The following RALGDS variants were observed in gnomAD, a reference collection of about 807,000 sequenced individuals.
RALGDS encodes the protein ral guanine nucleotide dissociation stimulator.
A neutral mutation model predicts 99.8 loss-of-function variants in RALGDS; 44 were observed. The ratio of observed to expected loss-of-function variants is 0.44; its 90% CI spans 0.35 to 0.57. The LOEUF is 0.57. Among genes scored for constraint, RALGDS ranks in the 20% least tolerant of loss-of-function variants. The pLI is 0.01. For missense variants in RALGDS, 1,022 were observed against 1,203.1 expected, an observed-to-expected ratio of 0.85 and a Z score of 2.23; for synonymous variants, 529 against 505.0, an observed-to-expected ratio of 1.05 and a Z score of -0.64.
upstream of RALGDS, among the ~76,000 whole-genome samples, chr9:133,124,001 CACAGAGACACAAAGAT>C (rs1832058714): frequency 6.8e-6 from 1 of 146,790 alleles, no homozygotes; most frequent in African/African-American, 2.7e-5. Flanking sequence ...CACACACACA[CACAGAGACACAAAGAT>C]ACACAGAGAT....
upstream of RALGDS, among the ~76,000 whole-genome samples, chr9:133,135,385 G>A (rs1285314893): frequency 6.6e-6 from 1 of 152,222 alleles, no homozygotes; most frequent in African/African-American, 2.4e-5. Context: ...TGCACTGGCT[G>A]CCTGCCCGCC....
chr9:133,109,783 A>G (rs1372480939), intron 3 of RALGDS, 62 bp from the exon 4 acceptor site: 2 of 1,423,820 alleles, frequency 1.4e-6, no homozygotes, highest in African/African-American at 2.8e-5. Flanking sequence ...CCAGGAGGGC[A>G]GGGATTTTTT....
chr9:133,107,166 GAC>G lies in RALGDS; in HGVS notation c.1330_1331del (p.Val444HisfsTer78), dbSNP rs768334453. 1 of 1,613,756 alleles carries G rather than the reference GAC, an allele frequency of 6.2e-7. No homozygotes were observed. The highest frequency in any genetic ancestry group is 1.7e-5 in the Admixed American group (1 of 60,036). On this transcript the variant is annotated frameshift_variant, in exon 7 of 18. Transcript: ENST00000372050. LOFTEE classifies it high-confidence loss of function. Reference protein sequence around the residue: ...VTQFNSVANCVITTCLGNRST... With the variant: ...VTQFNSVANCXITTCLGNRST... ...TTCGGTTCCCGAGGCAGGTGGTGAT[GAC>G]ACAGTTGGCCACACTGTTGAACTGG...
chr9:133,106,086 T>C, intron 8 of RALGDS, 70 bp from the exon 9 acceptor site: 1 of 1,255,086 alleles, frequency 8.0e-7, no homozygotes, highest in South Asian at 1.2e-5. Flanking sequence ...CAAATCCGTT[T>C]TATTTTAGAG....
upstream of RALGDS, among the ~76,000 whole-genome samples, chr9:133,122,782 A>G (rs1241143094): frequency 6.6e-6 from 1 of 150,712 alleles, no homozygotes; most frequent in Non-Finnish European, 1.5e-5. Flanking sequence ...TCGGCTCACT[A>G]AGGCCTCCGC....
chr9:133,106,370 A>G (rs1454081608), intron 8 of RALGDS, among the ~76,000 whole-genome samples: 1 of 152,176 alleles, frequency 6.6e-6, no homozygotes, highest in Non-Finnish European at 1.5e-5. Context: ...CTGGGATTAC[A>G]GGCGTTAGCC....
rs1391339524 is a variant in RALGDS, at chr9:133,102,892, C to T, written c.1800G>A (p.Glu600=). 1.2e-6 allele frequency: 2 copies of T among 1,613,208 alleles called. No homozygotes were observed. Among genetic ancestry groups the T allele is most frequent in the Non-Finnish European group, 1.7e-6 (2 of 1,179,976 alleles). The change falls in exon 13 of 18, where the codon GAG becomes GAA. Residue 600 remains glutamate, a synonymous_variant. Transcript: ENST00000372050. ...INFEKRRKEF[E]VIAQIKLLQS... is the part of the protein sequence containing the mutation. ...GCAGCAGCTTGATCTGGGCGATCAC[C>T]TCGAACTCCTGGGGCCAGAGGGAAG...
At chr9:133,117,096 C>G (rs1831646444) in intron 1 of RALGDS, among the ~76,000 whole-genome samples, 1 of 152,198 alleles carries the variant, frequency 6.6e-6, no homozygotes, top group Non-Finnish European at 1.5e-5. Flanking sequence ...AGGTGACGCA[C>G]CCGAGGAGCC....
At chr9:133,103,682 G>GC (rs1830867682) in intron 11 of RALGDS, 65 bp downstream of exon 11, 12 of 1,523,682 alleles carry the variant, frequency 7.9e-6, no homozygotes. Flanking sequence ...TGGCAGCCCA[G>GC]CCCCCAGGGC....
Position 133,098,840 on chromosome 9 carries a change from T to C in RALGDS, c.2570-78A>G, listed in dbSNP as rs977864913. The C allele has an allele frequency of 6.2e-6, 9 of 1,449,964 alleles. No homozygotes were observed. In the East Asian group the frequency reaches 1.8e-4, roughly 29 times the overall value. The allele number at this position is 1,449,964 out of a possible 1,614,324, so 89.8% of individuals were successfully genotyped here. On this transcript the variant is annotated intron_variant, in intron 17 of 17. Transcript: ENST00000372050. ...GATACCCCTACCGCTTGAGAGCCCA[T>C]ACAAGGACTGTCTTGAGCCACAGAC...
At chr9:133,099,110 C>T in intron 17 of RALGDS, 1 of 321,810 alleles carries the variant, frequency 3.1e-6, no homozygotes, top group Non-Finnish European at 6.0e-6. Context: ...GAATCCTGCC[C>T]TACTCAGGAC....
chr9:133,101,885 G>C (rs1326131546), intron 15 of RALGDS, 53 bp downstream of exon 15: 1 of 1,551,002 alleles, frequency 6.4e-7, no homozygotes, highest in Non-Finnish European at 8.7e-7. Context: ...CCCATGCATG[G>C]ATTTGGAGTG....
upstream of RALGDS, among the ~76,000 whole-genome samples, chr9:133,123,485 A>G (rs1832018805): frequency 6.6e-6 from 1 of 152,060 alleles, no homozygotes; most frequent in African/African-American, 2.4e-5. Context: ...AAACCCCCCA[A>G]CGCGGCTGGC....
chr9:133,117,707 G>A (rs771460796), intron 1 of RALGDS, among the ~76,000 whole-genome samples: 1 of 152,252 alleles, frequency 6.6e-6, no homozygotes, highest in African/African-American at 2.4e-5. Flanking sequence ...TTCTGGGCCT[G>A]CAAGGCTGGA....
chr9:133,101,756 C>T lies in RALGDS; in HGVS notation c.2218G>A (p.Glu740Lys), dbSNP rs1040770476. The change falls in exon 16 of 18, where the codon GAA becomes AAA. Residue 740 changes from glutamate to lysine, a missense_variant. Coordinates refer to ENST00000372050, the MANE Select transcript of RALGDS (RefSeq NM_006266.4). Reference protein sequence around the residue: ...SPDGQEKKFWESASQSSPETS... With the variant: ...SPDGQEKKFWKSASQSSPETS... ...TCCGGGGATGACTGTGAGGCTGATT[C>T]CCAGAACTGAGGGAGACGGTAAGAT... is the stretch of plus-strand genomic sequence containing the variant. 5 of 1,607,636 alleles carry T rather than the reference C, an allele frequency of 3.1e-6. No individual in the cohort carries two copies. The African/African-American group carries it at 6.7e-5, about 21-fold the overall frequency.
chr9:133,118,816 TCCTGGCTGCGGC>T, intron 1 of RALGDS, among the ~76,000 whole-genome samples: 1 of 152,194 alleles, frequency 6.6e-6, no homozygotes, highest in Non-Finnish European at 1.5e-5. Flanking sequence ...CATGCTTAAA[TCCTGGCTGCGGC>T]CCTTGCTGGC....
rs1238198636 is a variant in RALGDS, at chr9:133,121,001, GC to G, written c.153del (p.Gln52SerfsTer2). ...GGGCGCGGCAGGTCGGGGTCTAGCT[GC>G]GTGAAGCTGTGCAGCACCACCGGGC... is the stretch of plus-strand genomic sequence containing the variant. ...DSCPVVLHSF[T>X]QLDPDLPRPE... On this transcript the variant is annotated frameshift_variant, in exon 1 of 18. Coordinates refer to ENST00000372050, the MANE Select transcript of RALGDS (RefSeq NM_006266.4). LOFTEE classifies it high-confidence loss of function. 1.3e-5 allele frequency: 20 copies of G among 1,496,800 alleles called. No individual in the cohort carries two copies. The highest frequency in any genetic ancestry group is 1.8e-5 in the Non-Finnish European group (20 of 1,130,106). The allele number at this position is 1,496,800 out of a possible 1,614,324, so 92.7% of individuals were successfully genotyped here.
rs771593716 is a variant in RALGDS, at chr9:133,107,151, G to A, written c.1347C>T (p.Leu449=). 9.3e-6 allele frequency: 15 copies of A among 1,613,670 alleles called. No homozygotes were observed. The highest frequency in any genetic ancestry group is 8.9e-5 in the East Asian group (4 of 44,894). The part of the protein sequence containing the change: ...SVANCVITTC[L]GNRSTKAPDR... ...CTGGGGCTTTCGTGCTTCGGTTCCC[G>A]AGGCAGGTGGTGATGACACAGTTGG... Residue 449 remains leucine (L), a synonymous_variant, in exon 7 of 18, where the codon CTC becomes CTT. Coordinates refer to ENST00000372050, the MANE Select transcript of RALGDS (RefSeq NM_006266.4).
rs547809674 is a variant in RALGDS, at chr9:133,108,218, C to G, written c.967G>C (p.Val323Leu). 4 of 1,612,014 alleles carry G rather than the reference C, an allele frequency of 2.5e-6. No individual in the cohort carries two copies. The South Asian group carries it at 4.4e-5, about 18-fold the overall frequency. Residue 323 changes from valine (V) to leucine (L), a missense_variant, in exon 6 of 18, where the codon GTG becomes CTG. Val to Leu is a conservative substitution (Grantham distance 32). Coordinates refer to ENST00000372050, the MANE Select transcript of RALGDS (RefSeq NM_006266.4). ...PELQQAPEPAVGLESAPAPAL... is the reference protein window; with the variant it reads ...PELQQAPEPALGLESAPAPAL... ...GGCGCTGGAGCCGATTCTAGTCCCACAGCTGGCTCTGGAGCCTGCTGGAGC... is the reference window on the plus strand; with the variant it reads ...GGCGCTGGAGCCGATTCTAGTCCCAGAGCTGGCTCTGGAGCCTGCTGGAGC...
Sources: gnomAD v4.1 joint callset for allele counts (sites outside exome capture counted in the v4.1 genomes callset) on GRCh38, gnomAD v4.1.1 for gene constraint, MANE v1.5 for transcripts, NCBI Gene and HGNC (gene_info 2026-07-23, HGNC 2026-07-21) for gene names.